HS3ST4: variants seen among roughly 807,000 people sequenced by gnomAD.
HS3ST4 encodes the protein heparan sulfate-glucosamine 3-sulfotransferase 4.
HS3ST4 carries 17 observed loss-of-function variants against 29.2 expected under a neutral mutation model. The ratio of observed to expected loss-of-function variants is 0.58; its 90% CI spans 0.40 to 0.87. The LOEUF (loss-of-function observed/expected upper bound fraction) is 0.87, where lower values mean the gene tolerates loss of function less well. HS3ST4 is among the 40% of genes least tolerant of loss of function. HS3ST4 has a pLI of 0.00. For synonymous variants in HS3ST4, 314 were observed against 285.7 expected (o/e 1.10, Z -1.00); for missense variants, 627 against 634.5 (o/e 0.99, Z 0.13).
chr16:25,987,264 C>T (rs559900133), intron 1 of HS3ST4, among the ~76,000 whole-genome samples: 3 of 152,040 alleles, frequency 2.0e-5, no homozygotes, highest in Non-Finnish European at 2.9e-5. Context: ...GCAGGAGAAT[C>T]GCTTGAACCG....
intron 1 of HS3ST4, among the ~76,000 whole-genome samples, chr16:26,027,406 T>G (rs546544984): frequency 6.6e-6 from 1 of 152,306 alleles, no homozygotes; most frequent in African/African-American, 2.4e-5. Context: ...AAGCCTTCCT[T>G]GACTCCCCCA....
At chr16:25,942,644 G>A (rs1187321453) in intron 1 of HS3ST4, among the ~76,000 whole-genome samples, 2 of 150,290 alleles carry the variant, frequency 1.3e-5, no homozygotes, top group Non-Finnish European at 1.5e-5. Context: ...TTAGAGGCAG[G>A]GTCTTTCTCT....
At chr16:25,744,834 A>C (rs1304886095) in intron 1 of HS3ST4, among the ~76,000 whole-genome samples, 1 of 152,196 alleles carries the variant, frequency 6.6e-6, no homozygotes, top group Non-Finnish European at 1.5e-5. Flanking sequence ...GCCTGCTGCC[A>C]TCCATGTAAG....
chr16:25,739,234 C>T (rs950311698), intron 1 of HS3ST4, among the ~76,000 whole-genome samples: 41 of 151,928 alleles, frequency 2.7e-4, no homozygotes, highest in African/African-American at 7.7e-4. Flanking sequence ...CCCAGCTACT[C>T]GGGAGGTTGA....
At chr16:26,097,096 A>T (rs1898934270) in intron 1 of HS3ST4, among the ~76,000 whole-genome samples, 1 of 152,228 alleles carries the variant, frequency 6.6e-6, no homozygotes, top group Non-Finnish European at 1.5e-5. Context: ...ACACAAACAA[A>T]TGGAAGAACA....
At chr16:25,962,914 T>C (rs933274460) in intron 1 of HS3ST4, among the ~76,000 whole-genome samples, 1 of 152,156 alleles carries the variant, frequency 6.6e-6, no homozygotes, top group Non-Finnish European at 1.5e-5. Context: ...CAGCACCTAA[T>C]AAGAATTCAA....
At position 25,852,021 on chromosome 16, in the gene HS3ST4, T is replaced by C. The variant is rs116395777; in HGVS notation, c.734+158870T>C. ...GTTCTATACCATCTGATTTTATAGA[T>C]GAGAAAGGTGACATATAGAGGAAGT... On this transcript the variant is annotated intron_variant, in intron 1 of 1. Coordinates refer to ENST00000331351, the MANE Select transcript of HS3ST4 (RefSeq NM_006040.3). 4.5e-3 allele frequency among the ~76,000 whole-genome samples: 691 copies of C among 152,222 alleles called. 5 individuals are homozygous for C. The highest frequency in any genetic ancestry group is 0.016 in the African/African-American group (661 of 41,534).
At chr16:26,129,387 A>G (rs987042101) in intron 1 of HS3ST4, among the ~76,000 whole-genome samples, 17 of 152,254 alleles carry the variant, frequency 1.1e-4, no homozygotes, top group Admixed American at 2.6e-4. Flanking sequence ...AGCTTGGGCT[A>G]TGGTGTCAGA....
At chr16:26,003,448 A>G (rs553882480) in intron 1 of HS3ST4, among the ~76,000 whole-genome samples, 10 of 152,316 alleles carry the variant, frequency 6.6e-5, no homozygotes, top group African/African-American at 2.4e-4. Flanking sequence ...AGGAATGTCT[A>G]TCACAAATCT....
chr16:25,884,867 G>A (rs562633732), intron 1 of HS3ST4, among the ~76,000 whole-genome samples: 3 of 152,128 alleles, frequency 2.0e-5, no homozygotes, highest in South Asian at 4.1e-4. Flanking sequence ...CAACCACTGC[G>A]CCCGGCCGAG....
intron 1 of HS3ST4, among the ~76,000 whole-genome samples, chr16:25,768,235 C>T (rs141175587): frequency 1.4e-4 from 21 of 152,284 alleles, no homozygotes; most frequent in South Asian, 2.1e-4. Context: ...TCAATATGTA[C>T]GTACACACAC....
At chr16:26,100,000 G>A (rs546943306) in intron 1 of HS3ST4, among the ~76,000 whole-genome samples, 45 of 152,228 alleles carry the variant, frequency 3.0e-4, no homozygotes, top group African/African-American at 1.0e-3. Flanking sequence ...CTGGAGGAAG[G>A]GTCTTCTCAT....
chr16:25,999,510 CT>C (rs58206046), intron 1 of HS3ST4, among the ~76,000 whole-genome samples: 10 of 151,208 alleles, frequency 6.6e-5, no homozygotes, highest in Non-Finnish European at 1.2e-4. Flanking sequence ...ACTTCAGCCA[CT>C]TTTTTTCTAT....
intron 1 of HS3ST4, among the ~76,000 whole-genome samples, chr16:25,888,737 A>G (rs1967978886): frequency 6.6e-6 from 1 of 152,208 alleles, no homozygotes; most frequent in Admixed American, 6.5e-5. Context: ...TGGATAGAAA[A>G]ATAAGAGAGA....
At position 25,831,396 on chromosome 16, in the gene HS3ST4, T is replaced by TACACACACACAC. The variant is rs58851793; in HGVS notation, c.734+138281_734+138292dup. On this transcript the variant is annotated intron_variant, in intron 1 of 1. Transcript: ENST00000331351. ...GGGCAACATAATGAGACCCCGTCTC[T>TACACACACACAC]ACACACACACACACACACACACACA... Among the ~76,000 whole-genome samples, 600 of 126,120 alleles carry TACACACACACAC rather than the reference T, an allele frequency of 4.8e-3. 3 individuals are homozygous for TACACACACACAC. Among genetic ancestry groups the TACACACACACAC allele is most frequent in the Middle Eastern group, 8.2e-3 (2 of 244 alleles). 82.7% of individuals were successfully genotyped at this position (126,120 alleles called of 152,430 possible). A position where few individuals can be genotyped will look rare whatever the true frequency, so the allele number is the denominator to read the frequency against.
intron 1 of HS3ST4, among the ~76,000 whole-genome samples, chr16:25,830,102 G>A (rs1469216215): frequency 2.0e-5 from 3 of 152,132 alleles, no homozygotes; most frequent in African/African-American, 7.2e-5. Context: ...TGAGATTACA[G>A]GCATGAACCA....
At chr16:25,864,908 TAC>T (rs1203848841) in intron 1 of HS3ST4, among the ~76,000 whole-genome samples, 2 of 150,246 alleles carry the variant, frequency 1.3e-5, no homozygotes, top group Admixed American at 1.3e-4. Flanking sequence ...AGAATATATA[TAC>T]ACACACACAA....
intron 1 of HS3ST4, among the ~76,000 whole-genome samples, chr16:25,990,256 T>A (rs1969102842): frequency 6.6e-6 from 1 of 152,238 alleles, no homozygotes; most frequent in Non-Finnish European, 1.5e-5. Context: ...CGTTTTCAGC[T>A]CCTTTGGGTA....
intron 1 of HS3ST4, among the ~76,000 whole-genome samples, chr16:25,709,526 G>T (rs769267973): frequency 6.6e-5 from 10 of 152,152 alleles, no homozygotes; most frequent in Non-Finnish European, 1.3e-4. Flanking sequence ...AAGTACAACC[G>T]AATAAAACAG....
Sources: allele counts gnomAD v4.1 joint callset (sites outside exome capture counted in the v4.1 genomes callset), GRCh38; gene constraint gnomAD v4.1.1; transcripts MANE v1.5; gene names NCBI Gene and HGNC (gene_info 2026-07-23, HGNC 2026-07-21).